The following TP63 variants were observed in gnomAD, a reference collection of about 807,000 sequenced individuals.
TP63 encodes the protein tumor protein 63.
TP63 carries 17 observed loss-of-function variants against 82.8 expected under a neutral mutation model. That is an observed-to-expected ratio of 0.21 (90% CI 0.14 to 0.31). TP63 has a LOEUF of 0.31. Ranked by LOEUF, TP63 falls within the 10% of genes least tolerant of loss-of-function variation. The pLI, the probability that TP63 is intolerant of heterozygous loss-of-function variation, is 1.00. For synonymous variants in TP63, 330 were observed against 321.7 expected, an observed-to-expected ratio of 1.03 and a Z score of -0.28; for missense variants, 648 against 895.3, an observed-to-expected ratio of 0.72 and a Z score of 3.52.
At chr3:189,700,052 C>T (rs922373284) in intron 1 of TP63, among the ~76,000 whole-genome samples, 2 of 152,070 alleles carry the variant, frequency 1.3e-5, no homozygotes, top group African/African-American at 4.8e-5. Context: ...TCCCCTTGTG[C>T]CTTTAAGAAG....
chr3:189,625,311 ATC>A, the TP63 span, among the ~76,000 whole-genome samples: 1 of 152,194 alleles, frequency 6.6e-6, no homozygotes, highest in Admixed American at 6.6e-5. Context: ...TGGACACGGC[ATC>A]ACTTTTGTGA....
At chr3:189,747,930 T>C (rs1328868036) in intron 3 of TP63, among the ~76,000 whole-genome samples, 1 of 151,870 alleles carries the variant, frequency 6.6e-6, no homozygotes, top group Admixed American at 6.6e-5. Flanking sequence ...TGAACAACTG[T>C]ATACTAACAA....
At chr3:189,778,024 T>A (rs1338444654) in intron 3 of TP63, among the ~76,000 whole-genome samples, 2 of 151,888 alleles carry the variant, frequency 1.3e-5, no homozygotes, top group African/African-American at 4.8e-5. Context: ...TCTGGCTAAT[T>A]TCTGTATTTC....
At chr3:189,690,109 T>G (rs1363986207) in intron 1 of TP63, among the ~76,000 whole-genome samples, 3 of 116,666 alleles carry the variant, frequency 2.6e-5, no homozygotes, top group African/African-American at 1.2e-4. Flanking sequence ...ACTTGCTAGT[T>G]TTGTGGCCTT....
chr3:189,744,541 TG>T (rs1553826596), intron 3 of TP63, among the ~76,000 whole-genome samples: 3 of 152,162 alleles, frequency 2.0e-5, no homozygotes, highest in Non-Finnish European at 4.4e-5. Context: ...GCATTCCTTC[TG>T]GTCACGCCCA....
At chr3:189,885,225 A>G in intron 10 of TP63, among the ~76,000 whole-genome samples, 1 of 152,230 alleles carries the variant, frequency 6.6e-6, no homozygotes, top group East Asian at 1.9e-4. Flanking sequence ...CTGTGGTCAC[A>G]GTAATTCAGT....
chr3:189,634,176 A>T (rs1729626284), intron 1 of TP63, among the ~76,000 whole-genome samples: 1 of 152,066 alleles, frequency 6.6e-6, no homozygotes, highest in African/African-American at 2.4e-5. Flanking sequence ...AGCTATTTTA[A>T]GAAAGACCAA....
intron 4 of TP63, among the ~76,000 whole-genome samples, chr3:189,850,307 C>T (rs1715461752): frequency 6.6e-6 from 1 of 151,664 alleles, no homozygotes; most frequent in African/African-American, 2.4e-5. Context: ...CCACCGCCAC[C>T]ACCAAAAAAA....
intron 10 of TP63, among the ~76,000 whole-genome samples, chr3:189,886,077 AGAG>A (rs1273015132): frequency 6.6e-6 from 1 of 152,192 alleles, no homozygotes; most frequent in Non-Finnish European, 1.5e-5. Flanking sequence ...TGAAGGGAAA[AGAG>A]GAGAAGGGAA....
At chr3:189,618,526 TC>T in the TP63 span, among the ~76,000 whole-genome samples, 1 of 152,160 alleles carries the variant, frequency 6.6e-6, no homozygotes, top group African/African-American at 2.4e-5. Context: ...AAATATGGCC[TC>T]CTAGCATGTG....
chr3:189,885,112 G>C (rs1175182677), intron 10 of TP63, among the ~76,000 whole-genome samples: 1 of 152,168 alleles, frequency 6.6e-6, no homozygotes, highest in Non-Finnish European at 1.5e-5. Context: ...CCTGTGACAG[G>C]GAAAAGGTAA....
the TP63 span, among the ~76,000 whole-genome samples, chr3:189,618,313 T>A: frequency 6.6e-6 from 1 of 152,226 alleles, no homozygotes; most frequent in African/African-American, 2.4e-5. Context: ...AAGAATCTAA[T>A]GAGAAAGTCT....
intron 10 of TP63, among the ~76,000 whole-genome samples, chr3:189,874,646 A>G (rs1043017979): frequency 5.9e-5 from 9 of 152,226 alleles, no homozygotes; most frequent in African/African-American, 1.9e-4. Context: ...CTGAAGGAGA[A>G]TTAGAACTCA....
At chr3:189,869,449 T>G (rs35361646) in intron 9 of TP63, 43 bp downstream of exon 9, 1 of 1,523,962 alleles carries the variant, frequency 6.6e-7, no homozygotes, top group Non-Finnish European at 9.1e-7. Context: ...ATTTTAACCT[T>G]CTTTGAATGG....
intron 6 of TP63, 29 bp from the exon 7 acceptor site, chr3:189,867,804 A>C: frequency 1.3e-6 from 2 of 1,595,070 alleles, no homozygotes; most frequent in Non-Finnish European, 1.7e-6. Flanking sequence ...AACCCTTGTT[A>C]ACACAGATTA....
At chr3:189,777,726 A>G (rs561373055) in intron 3 of TP63, among the ~76,000 whole-genome samples, 5 of 147,294 alleles carry the variant, frequency 3.4e-5, no homozygotes, top group Non-Finnish European at 7.4e-5. Context: ...TTACTATTTC[A>G]CATGTATTTC....
At chr3:189,697,253 T>C (rs1717455773) in intron 1 of TP63, among the ~76,000 whole-genome samples, 1 of 139,480 alleles carries the variant, frequency 7.2e-6, no homozygotes, top group East Asian at 2.1e-4. Flanking sequence ...TTTTTTTGCA[T>C]ATGGACACTC....
chr3:189,829,499 C>G (rs898145432), intron 4 of TP63, among the ~76,000 whole-genome samples: 6 of 152,252 alleles, frequency 3.9e-5, no homozygotes, highest in African/African-American at 1.4e-4. Context: ...TGGAGAACAG[C>G]ACGTGTTATT....
chr3:189,653,258 G>A (rs1483476069), intron 1 of TP63, among the ~76,000 whole-genome samples: 1 of 152,192 alleles, frequency 6.6e-6, no homozygotes, highest in Non-Finnish European at 1.5e-5. Flanking sequence ...GGAGAACCTA[G>A]AGTCAGGATA....
Sources: allele counts gnomAD v4.1 joint callset (sites outside exome capture counted in the v4.1 genomes callset), GRCh38; gene constraint gnomAD v4.1.1; transcripts MANE v1.5; gene names NCBI Gene and HGNC (gene_info 2026-07-23, HGNC 2026-07-21).